Variants in CLPTM1L observed in about 807,000 individuals in gnomAD.
CLPTM1L encodes lipid scramblase CLPTM1L.
A neutral mutation model predicts 70.9 loss-of-function variants in CLPTM1L; 38 were observed. The observed-to-expected ratio is 0.54, with a 90% confidence interval of 0.41 to 0.70. CLPTM1L has a LOEUF of 0.70. Among genes scored for constraint, CLPTM1L ranks in the 30% least tolerant of loss-of-function variants. CLPTM1L has a pLI of 0.00. For missense variants in CLPTM1L, 652 were observed against 705.9 expected (o/e 0.92, Z 0.87); for synonymous variants, 339 against 299.9 (o/e 1.13, Z -1.35).
intron 3 of CLPTM1L, among the ~76,000 whole-genome samples, chr5:1,339,214 G>A (rs1029452970): frequency 1.3e-5 from 2 of 148,826 alleles, no homozygotes; most frequent in African/African-American, 5.0e-5. Context: ...CCTAACCTGT[G>A]AAGAGAACGG....
At chr5:1,343,515 G>C (rs1374587077) in intron 2 of CLPTM1L, among the ~76,000 whole-genome samples, 2 of 152,246 alleles carry the variant, frequency 1.3e-5, no homozygotes, top group Admixed American at 6.5e-5. Context: ...ATTAAACCCA[G>C]TGCAGATGAA....
At chr5:1,328,925 C>T (rs1333135749) in intron 9 of CLPTM1L, among the ~76,000 whole-genome samples, 1 of 150,920 alleles carries the variant, frequency 6.6e-6, no homozygotes, top group Admixed American at 6.6e-5. Flanking sequence ...CATCCAGCTC[C>T]TCCTCTACAG....
In CLPTM1L at chr5:1,335,119, G is replaced by A. The variant is rs1314199327; in HGVS notation, c.734C>T (p.Ser245Leu). The A allele has an allele frequency of 6.2e-7, 1 of 1,613,740 alleles. No individual in the cohort carries two copies. The highest frequency in any genetic ancestry group is 2.2e-5 in the East Asian group (1 of 44,886). ...GATCCAGAAGCGCAGCCGCCCCAGT[G>A]AGACCTTGTCGTAGGACACGGTGAG... The part of the protein sequence containing the change: ...LPLTVSYDKV[S>L]LGRLRFWIHM... The change falls in exon 6 of 17, where the codon TCA becomes TTA. Residue 245 changes from serine to leucine, a missense_variant. Physicochemically the swap from Ser to Leu is moderately radical, Grantham distance 145 (BLOSUM62 -2). Transcript: ENST00000320895.
intron 9 of CLPTM1L, among the ~76,000 whole-genome samples, chr5:1,329,287 C>T (rs1752908161): frequency 6.6e-6 from 1 of 152,276 alleles, no homozygotes; most frequent in Admixed American, 6.5e-5. Flanking sequence ...TCAGTGCCTA[C>T]CTGGCCGCTG....
chr5:1,329,730 AGCCTCAGGACTCTCTGCCTGGTGGACAGG>A (rs1561238975), intron 9 of CLPTM1L, among the ~76,000 whole-genome samples: 9 of 37,174 alleles, frequency 2.4e-4, no homozygotes, highest in South Asian at 1.4e-3. Flanking sequence ...TGGTGGACAG[AGCCTCAGGACTCTCTGCCTGGTGGACAGG>A]GCCTCAGGAC....
intron 7 of CLPTM1L, 119 bp downstream of exon 7, chr5:1,334,170 C>T (rs1753395617): frequency 1.5e-6 from 1 of 671,354 alleles, no homozygotes; most frequent in Non-Finnish European, 2.6e-6. Context: ...GGAGTGGACA[C>T]TTGAGGGCCA....
intron 7 of CLPTM1L, among the ~76,000 whole-genome samples, chr5:1,333,912 C>T (rs1222474854): frequency 2.0e-5 from 3 of 152,108 alleles, no homozygotes; most frequent in Non-Finnish European, 4.4e-5. Flanking sequence ...CCCAGCTCCG[C>T]CCCTGGCTCT....
chr5:1,339,120 C>A, intron 3 of CLPTM1L, 115 bp from the exon 4 acceptor site: 1 of 1,263,288 alleles, frequency 7.9e-7, no homozygotes, highest in South Asian at 1.4e-5. Context: ...AAACTGTGCC[C>A]GGGACAGCAG....
Position 1,337,894 on chromosome 5 carries a change from T to A in CLPTM1L, c.678+10A>T. On this transcript the variant is annotated intron_variant, in intron 5 of 16. Transcript: ENST00000320895. ...CAGCTGCACAACCAGCGGGCAGAGG[T>A]GTCACTCACCATCAGGTCCTTCACG... 6.3e-7 allele frequency: 1 copy of A among 1,580,780 alleles called. No homozygotes were observed. Among genetic ancestry groups the A allele is most frequent in the Non-Finnish European group, 8.6e-7 (1 of 1,166,000 alleles).
intron 9 of CLPTM1L, among the ~76,000 whole-genome samples, chr5:1,326,948 C>T (rs1752623735): frequency 6.6e-6 from 1 of 151,018 alleles, no homozygotes; most frequent in Non-Finnish European, 1.5e-5. Context: ...TTTCATCCAG[C>T]TCCTCCTCTA....
In CLPTM1L at chr5:1,318,182, C is replaced by T. The variant is rs770794238; in HGVS notation, c.*187G>A. On this transcript the variant is annotated 3_prime_UTR_variant, in exon 17 of 17. Transcript: ENST00000320895. The surrounding 1 kb of genome is among the most constrained non-coding windows in gnomAD (Gnocchi z 8.9). ...TCTGTGACCAAGACAGATGTTCACA[C>T]GTGGGGGCATCGTAAGCGCTACCAG... The T allele has an allele frequency of 7.8e-4, 471 of 601,056 alleles. No individual in the cohort carries two copies. The highest frequency in any genetic ancestry group is 1.2e-3 in the Non-Finnish European group (398 of 336,516). The allele number at this position is 601,056 out of a possible 1,614,324, so 37.2% of individuals were successfully genotyped here.
At chr5:1,328,840 C>G (rs1401747152) in intron 9 of CLPTM1L, among the ~76,000 whole-genome samples, 2 of 151,176 alleles carry the variant, frequency 1.3e-5, no homozygotes, top group African/African-American at 4.9e-5. Context: ...TCCAGCTCCT[C>G]CTCTACAGAC....
At chr5:1,321,526 G>T in intron 15 of CLPTM1L, 109 bp downstream of exon 15, 1 of 949,594 alleles carries the variant, frequency 1.1e-6, no homozygotes, top group Non-Finnish European at 1.7e-6. Context: ...AGGGACAGGT[G>T]CAGATGCACT....
Position 1,344,738 on chromosome 5 carries a change from G to C in CLPTM1L, c.104C>G (p.Pro35Arg), listed in dbSNP as rs1235008628. ...WVMYGIVYTRPCSGDANCIQP... is the reference protein window; with the variant it reads ...WVMYGIVYTRRCSGDANCIQP... ...GATGCAGTTGGCGTCGCCGGAGCAC[G>C]GGCGGGTGTAGACGATGCCGTACAT... The change falls in exon 1 of 17, where the codon CCG becomes CGG. Residue 35 changes from proline (P) to arginine (R), a missense_variant. Around this residue, in one of 3 missense-constraint regions of CLPTM1L, gnomAD observed 402 missense variants for 388.2 expected, o/e 1.04. Transcript: ENST00000320895. 12 of 1,600,618 alleles carry C rather than the reference G, an allele frequency of 7.5e-6. No individual in the cohort carries two copies. Among genetic ancestry groups the C allele is most frequent in the South Asian group, 6.8e-5 (6 of 88,810 alleles).
intron 9 of CLPTM1L, among the ~76,000 whole-genome samples, chr5:1,328,880 A>T (rs1434992157): frequency 1.3e-5 from 2 of 150,604 alleles, no homozygotes; most frequent in Non-Finnish European, 2.9e-5. Flanking sequence ...CTCTACAGAC[A>T]CATTCCATCC....
intron 3 of CLPTM1L, among the ~76,000 whole-genome samples, chr5:1,339,715 G>A (rs1753821148): frequency 2.8e-5 from 2 of 70,890 alleles, no homozygotes; most frequent in Admixed American, 1.2e-4. Flanking sequence ...CAGAGTCAGC[G>A]CCCTAACCTG....
At chr5:1,322,784 G>T (rs139998754) in intron 13 of CLPTM1L, 93 bp downstream of exon 13, 3 of 1,317,438 alleles carry the variant, frequency 2.3e-6, no homozygotes, top group African/African-American at 1.4e-5. Flanking sequence ...CAAATCACAG[G>T]GGGGCTTGCC....
At position 1,342,578 on chromosome 5, in the gene CLPTM1L, T is replaced by A. The variant is rs921774292; in HGVS notation, c.264-718A>T. Among the ~76,000 whole-genome samples, 5 of 152,150 alleles carry A rather than the reference T, an allele frequency of 3.3e-5. No individual in the cohort carries two copies. Among genetic ancestry groups the A allele is most frequent in the Non-Finnish European group, 1.5e-5 (1 of 68,022 alleles). On this transcript the variant is annotated intron_variant, in intron 2 of 16. Coordinates refer to ENST00000320895, the MANE Select transcript of CLPTM1L (RefSeq NM_030782.5). This position sits in a 1 kb window ranked among gnomAD's most constrained non-coding sequence, Gnocchi z 4.3. ...TTCCACCTGTTTACGGTTACATGAG[T>A]TCTTCTTCCTCTTTAAAAGTCTCTT...
chr5:1,324,977 G>C, intron 10 of CLPTM1L, 164 bp from the exon 11 acceptor site: 1 of 630,380 alleles, frequency 1.6e-6, no homozygotes. Flanking sequence ...AGAGGACGGG[G>C]ATCCGCATGG....
Sources: allele counts gnomAD v4.1 joint callset (sites outside exome capture counted in the v4.1 genomes callset), GRCh38; gene constraint gnomAD v4.1.1; regional missense constraint gnomAD v4.1.1; non-coding constraint Gnocchi (gnomAD v3.1); transcripts MANE v1.5; gene names NCBI Gene and HGNC (gene_info 2026-07-23, HGNC 2026-07-21).